UBE2E3: variants seen among roughly 807,000 people sequenced by gnomAD.
UBE2E3 encodes ubiquitin conjugating enzyme E2 E3.
Under a neutral mutation model 23.6 loss-of-function variants are expected in UBE2E3, and 5 were observed. That is an observed-to-expected ratio of 0.21 (90% CI 0.11 to 0.44). The LOEUF (loss-of-function observed/expected upper bound fraction) is 0.44, where lower values mean the gene tolerates loss of function less well. Among genes scored for constraint, UBE2E3 ranks in the 20% least tolerant of loss-of-function variants. UBE2E3 has a pLI of 0.99. For missense variants in UBE2E3, 81 were observed against 249.8 expected (o/e 0.32, Z 4.55); for synonymous variants, 78 against 87.5 (o/e 0.89, Z 0.60).
chr2:181,038,351 A>G lies in UBE2E3; in HGVS notation c.246-19342A>G, dbSNP rs376487905. ...ACCTAAGTGTGTAGTAGGCTGTACCATCTAGCTTTGTGTAAATACGCTATG... is the reference window on the plus strand; with the variant it reads ...ACCTAAGTGTGTAGTAGGCTGTACCGTCTAGCTTTGTGTAAATACGCTATG... On this transcript the variant is annotated intron_variant, in intron 3 of 5. Coordinates refer to ENST00000410062, the MANE Select transcript of UBE2E3 (RefSeq NM_006357.4). Among the ~76,000 whole-genome samples the G allele has an allele frequency of 1.5e-4, 23 of 152,330 alleles. No homozygotes were observed. The East Asian group carries it at 2.1e-3, about 14-fold the overall frequency.
At chr2:181,021,635 CCTT>C (rs1685700844) in intron 3 of UBE2E3, among the ~76,000 whole-genome samples, 1 of 85,772 alleles carries the variant, frequency 1.2e-5, no homozygotes, top group Non-Finnish European at 2.3e-5. Flanking sequence ...TCCCTTTTTT[CCTT>C]CCTTCCTTCC....
At chr2:181,054,725 C>G (rs1263594618) in intron 3 of UBE2E3, among the ~76,000 whole-genome samples, 3 of 151,742 alleles carry the variant, frequency 2.0e-5, no homozygotes, top group African/African-American at 7.3e-5. Context: ...AAAATCTAGG[C>G]TGCAGTTACA....
At chr2:181,022,375 A>G (rs1467798887) in intron 3 of UBE2E3, among the ~76,000 whole-genome samples, 4 of 152,060 alleles carry the variant, frequency 2.6e-5, no homozygotes, top group Non-Finnish European at 4.4e-5. Context: ...CAAACACCGA[A>G]TTAGCGAATA....
intron 3 of UBE2E3, among the ~76,000 whole-genome samples, chr2:181,002,181 T>C (rs1247409337): frequency 1.4e-5 from 2 of 143,914 alleles, no homozygotes; most frequent in African/African-American, 2.5e-5. Flanking sequence ...TGGAATGTTT[T>C]AATGGATTTC....
At chr2:180,989,691 T>A (rs755518052) in intron 3 of UBE2E3, among the ~76,000 whole-genome samples, 1 of 152,128 alleles carries the variant, frequency 6.6e-6, no homozygotes, top group Non-Finnish European at 1.5e-5. Context: ...TTATTAAGGA[T>A]CTATTAAGTT....
chr2:180,999,151 T>A (rs1341839355), intron 3 of UBE2E3, among the ~76,000 whole-genome samples: 1 of 152,150 alleles, frequency 6.6e-6, no homozygotes, highest in Non-Finnish European at 1.5e-5. Context: ...ATGAAAATTA[T>A]AAAAGGTCGA....
intron 3 of UBE2E3, among the ~76,000 whole-genome samples, chr2:181,034,350 A>G (rs1158845827): frequency 2.0e-5 from 3 of 152,240 alleles, no homozygotes; most frequent in Non-Finnish European, 4.4e-5. Flanking sequence ...TGCAGCCATA[A>G]GAAAGGATGA....
intron 3 of UBE2E3, among the ~76,000 whole-genome samples, chr2:181,023,576 C>T (rs557862508): frequency 3.9e-5 from 6 of 152,270 alleles, no homozygotes; most frequent in Non-Finnish European, 5.9e-5. Flanking sequence ...CTTTCTTTAA[C>T]ACAGCCGCCT....
intron 3 of UBE2E3, among the ~76,000 whole-genome samples, chr2:180,994,706 A>G (rs1406985203): frequency 6.6e-6 from 1 of 152,216 alleles, no homozygotes; most frequent in East Asian, 1.9e-4. Context: ...TTGGAAAAAT[A>G]TTTAGAGATT....
intron 3 of UBE2E3, among the ~76,000 whole-genome samples, chr2:181,048,095 A>C (rs577165389): frequency 9.2e-5 from 14 of 152,258 alleles, no homozygotes; most frequent in Admixed American, 7.9e-4. Context: ...TCTACTGATA[A>C]ACCCCCACTG....
At chr2:181,042,364 G>GC (rs1201128095) in intron 3 of UBE2E3, among the ~76,000 whole-genome samples, 1 of 152,200 alleles carries the variant, frequency 6.6e-6, no homozygotes. Flanking sequence ...CTTCTGGTTA[G>GC]CCCCCCATCA....
chr2:181,008,606 G>A (rs779020470), intron 3 of UBE2E3, among the ~76,000 whole-genome samples: 1 of 152,198 alleles, frequency 6.6e-6, no homozygotes, highest in South Asian at 2.1e-4. Context: ...AGCATTAGGG[G>A]CAGCCCCAGG....
chr2:181,004,564 C>T (rs1311137903), intron 3 of UBE2E3, among the ~76,000 whole-genome samples: 3 of 151,704 alleles, frequency 2.0e-5, no homozygotes, highest in Admixed American at 6.6e-5. Context: ...AACATGGAGG[C>T]GGAGGTTGCA....
At chr2:181,040,394 C>A (rs1402721708) in intron 3 of UBE2E3, among the ~76,000 whole-genome samples, 2 of 152,084 alleles carry the variant, frequency 1.3e-5, no homozygotes, top group African/African-American at 4.8e-5. Context: ...CAGTGCCTGG[C>A]TTATGATGTA....
At chr2:181,041,259 A>AT (rs528739856) in intron 3 of UBE2E3, among the ~76,000 whole-genome samples, 3,768 of 140,932 alleles carry the variant, frequency 0.027, 143 homozygotes, top group African/African-American at 0.079. Flanking sequence ...AAAAAGATAG[A>AT]TTTTTTTTTT....
intron 3 of UBE2E3, among the ~76,000 whole-genome samples, chr2:181,004,142 T>A (rs897089321): frequency 9.9e-5 from 15 of 152,224 alleles, no homozygotes; most frequent in African/African-American, 3.1e-4. Flanking sequence ...GCATAATACT[T>A]TGCTTTTCTC....
intron 3 of UBE2E3, among the ~76,000 whole-genome samples, chr2:181,036,517 C>T (rs1242433770): frequency 6.6e-6 from 1 of 152,168 alleles, no homozygotes; most frequent in Admixed American, 6.5e-5. Context: ...CTGGTTCCCT[C>T]CTAAATTTCA....
At chr2:181,032,648 T>A (rs1353885019) in intron 3 of UBE2E3, among the ~76,000 whole-genome samples, 2 of 152,200 alleles carry the variant, frequency 1.3e-5, no homozygotes, top group African/African-American at 4.8e-5. Context: ...ATTTACCATC[T>A]CTTTGAAACA....
chr2:180,986,004 A>C (rs62180077), intron 3 of UBE2E3, among the ~76,000 whole-genome samples: 30,644 of 152,038 alleles, frequency 0.2, 3,955 homozygotes, highest in Non-Finnish European at 0.28. Context: ...TCAATGAGAT[A>C]GGAGGTTTCA....
Sources: allele counts gnomAD v4.1 joint callset (sites outside exome capture counted in the v4.1 genomes callset), GRCh38; gene constraint gnomAD v4.1.1; transcripts MANE v1.5; gene names NCBI Gene and HGNC (gene_info 2026-07-23, HGNC 2026-07-21).